The following CAMK1D variants were observed in gnomAD, a reference collection of about 807,000 sequenced individuals.
The protein encoded by CAMK1D is calcium/calmodulin-dependent protein kinase type 1D.
Under a neutral mutation model 47.7 loss-of-function variants are expected in CAMK1D, and 9 were observed. That is an observed-to-expected ratio of 0.19 (90% CI 0.11 to 0.33). The LOEUF (loss-of-function observed/expected upper bound fraction) is 0.33. Ranked by LOEUF, CAMK1D falls within the 10% of genes least tolerant of loss-of-function variation. The pLI, the probability that CAMK1D is intolerant of heterozygous loss-of-function variation, is 1.00. For missense variants in CAMK1D, 291 were observed against 488.7 expected (o/e 0.60, Z 3.81); for synonymous variants, 184 against 184.9 (o/e 0.99, Z 0.04).
intron 2 of CAMK1D, among the ~76,000 whole-genome samples, chr10:12,600,501 A>C (rs1034276029): frequency 6.6e-6 from 1 of 152,216 alleles, no homozygotes; most frequent in Admixed American, 6.5e-5. Flanking sequence ...AAGCACCTTA[A>C]GAGTTTAGTA....
chr10:12,374,517 A>G (rs370728508), intron 1 of CAMK1D, among the ~76,000 whole-genome samples: 72 of 152,228 alleles, frequency 4.7e-4, no homozygotes, highest in Middle Eastern at 3.4e-3. Context: ...TTCAGGGCCA[A>G]CTCAAATCTG....
intron 10 of CAMK1D, among the ~76,000 whole-genome samples, chr10:12,828,256 A>C (rs1482317406): frequency 6.6e-6 from 1 of 152,204 alleles, no homozygotes; most frequent in Admixed American, 6.5e-5. Flanking sequence ...CACCAAAAAA[A>C]AGGAGAGGAG....
chr10:12,439,744 AGTTTTCATATTAGTCC>A (rs1169503850), intron 1 of CAMK1D, among the ~76,000 whole-genome samples: 3 of 152,240 alleles, frequency 2.0e-5, no homozygotes, highest in Non-Finnish European at 2.9e-5. Context: ...AGTGGCCTAG[AGTTTTCATATTAGTCC>A]GTTTTCACGC....
intron 1 of CAMK1D, among the ~76,000 whole-genome samples, chr10:12,427,074 T>C (rs1402384598): frequency 3.3e-5 from 5 of 152,200 alleles, no homozygotes; most frequent in Non-Finnish European, 5.9e-5. Context: ...GGTCTCGAAC[T>C]CCTGGGCTCA....
intron 6 of CAMK1D, among the ~76,000 whole-genome samples, chr10:12,801,354 T>TATCTATCTATCTAATCTATC (rs57429397): frequency 3.0e-5 from 2 of 66,490 alleles, no homozygotes; most frequent in African/African-American, 1.1e-4. Flanking sequence ...TCTATCTATC[T>TATCTATCTATCTAATCTATC]TATCTATCTA....
chr10:12,484,261 C>T (rs916759605), intron 1 of CAMK1D, among the ~76,000 whole-genome samples: 3 of 152,232 alleles, frequency 2.0e-5, no homozygotes, highest in African/African-American at 4.8e-5. Flanking sequence ...CTTCCGGCCC[C>T]GCCTGCTCTG....
At chr10:12,686,499 T>C (rs998618598) in intron 3 of CAMK1D, among the ~76,000 whole-genome samples, 1 of 151,984 alleles carries the variant, frequency 6.6e-6, no homozygotes, top group Non-Finnish European at 1.5e-5. Context: ...TTTTTTGTTA[T>C]TTTTAGTAGA....
At chr10:12,609,490 C>A (rs1838560504) in intron 2 of CAMK1D, among the ~76,000 whole-genome samples, 1 of 152,216 alleles carries the variant, frequency 6.6e-6, no homozygotes, top group Non-Finnish European at 1.5e-5. Flanking sequence ...TGTTTTCCTG[C>A]AACTGGACAG....
At chr10:12,624,189 T>C (rs2132448898) in intron 2 of CAMK1D, among the ~76,000 whole-genome samples, 1 of 152,310 alleles carries the variant, frequency 6.6e-6, no homozygotes, top group East Asian at 1.9e-4. Flanking sequence ...ATCATGAGTA[T>C]ATCCCCATAT....
chr10:12,576,441 A>G (rs1837490819), intron 2 of CAMK1D, among the ~76,000 whole-genome samples: 2 of 152,248 alleles, frequency 1.3e-5, no homozygotes, highest in South Asian at 4.2e-4. Flanking sequence ...CATGTGCATT[A>G]CATTTATTGT....
At chr10:12,611,025 A>G (rs536181364) in intron 2 of CAMK1D, among the ~76,000 whole-genome samples, 87 of 152,294 alleles carry the variant, frequency 5.7e-4, no homozygotes, top group African/African-American at 1.9e-3. Flanking sequence ...ACCAAGTAAC[A>G]AACCCTTGAG....
At chr10:12,659,734 G>A (rs1840220157) in intron 2 of CAMK1D, among the ~76,000 whole-genome samples, 1 of 152,138 alleles carries the variant, frequency 6.6e-6, no homozygotes, top group Non-Finnish European at 1.5e-5. Flanking sequence ...TACTTTTGAG[G>A]CAATTCCATG....
chr10:12,793,799 G>A (rs1327697321), intron 6 of CAMK1D, among the ~76,000 whole-genome samples: 1 of 152,242 alleles, frequency 6.6e-6, no homozygotes, highest in Non-Finnish European at 1.5e-5. Flanking sequence ...TTCTAGTGAA[G>A]AAGGAGGCAG....
At chr10:12,728,905 T>C (rs1368248799) in intron 3 of CAMK1D, among the ~76,000 whole-genome samples, 1 of 152,234 alleles carries the variant, frequency 6.6e-6, no homozygotes, top group Non-Finnish European at 1.5e-5. Flanking sequence ...TAAAAGACAT[T>C]CAAGTACTGA....
intron 5 of CAMK1D, among the ~76,000 whole-genome samples, chr10:12,778,223 A>G (rs1465341757): frequency 6.6e-6 from 1 of 152,228 alleles, no homozygotes; most frequent in Admixed American, 6.5e-5. Flanking sequence ...ACATGAAGCT[A>G]TGACTTCAAT....
chr10:12,436,288 G>A (rs1832632405), intron 1 of CAMK1D, among the ~76,000 whole-genome samples: 1 of 152,206 alleles, frequency 6.6e-6, no homozygotes, highest in African/African-American at 2.4e-5. Flanking sequence ...AGAGTCTAGA[G>A]TCTGCTGTGG....
intron 6 of CAMK1D, among the ~76,000 whole-genome samples, chr10:12,797,244 G>A (rs2131018324): frequency 6.7e-6 from 1 of 149,178 alleles, no homozygotes; most frequent in Admixed American, 6.8e-5. Context: ...TGTCACCCAG[G>A]CTGGAGTGCA....
At chr10:12,790,467 C>G (rs1436285205) in intron 5 of CAMK1D, among the ~76,000 whole-genome samples, 1 of 152,194 alleles carries the variant, frequency 6.6e-6, no homozygotes, top group Admixed American at 6.5e-5. Flanking sequence ...GTCACAGACT[C>G]CAGACCTCAA....
intron 3 of CAMK1D, among the ~76,000 whole-genome samples, chr10:12,698,705 G>T (rs542891000): frequency 1.5e-5 from 2 of 134,890 alleles, no homozygotes; most frequent in East Asian, 2.1e-4. Flanking sequence ...ACGGAGTGTC[G>T]CTCTGTCACC....
Sources: gnomAD v4.1 joint callset for allele counts (sites outside exome capture counted in the v4.1 genomes callset) on GRCh38, gnomAD v4.1.1 for gene constraint, MANE v1.5 for transcripts, NCBI Gene and HGNC (gene_info 2026-07-23, HGNC 2026-07-21) for gene names.